Variants in RPRD2 observed in about 807,000 individuals in gnomAD.
RPRD2 encodes the protein regulation of nuclear pre-mRNA domain-containing protein 2.
A neutral mutation model predicts 104.4 loss-of-function variants in RPRD2; 12 were observed. That is an observed-to-expected ratio of 0.11 (90% CI 0.07 to 0.19). RPRD2 has a LOEUF of 0.19. Among genes scored for constraint, RPRD2 ranks in the 10% least tolerant of loss-of-function variants. RPRD2 has a pLI of 1.00. For missense variants in RPRD2, 1,543 were observed against 1,790.1 expected (o/e 0.86, Z 2.49); for synonymous variants, 714 against 684.9 (o/e 1.04, Z -0.66).
intron 2 of RPRD2, among the ~76,000 whole-genome samples, chr1:150,436,833 A>G (rs2102341373): frequency 6.7e-6 from 1 of 149,626 alleles, no homozygotes. Context: ...TGAACCCAGG[A>G]GGCAGAGGTC....
chr1:150,411,923 C>T (rs1253328076), intron 1 of RPRD2, among the ~76,000 whole-genome samples: 1 of 151,230 alleles, frequency 6.6e-6, no homozygotes, highest in South Asian at 2.1e-4. Context: ...GTCAGGAGTT[C>T]GAGACCAGCG....
intron 2 of RPRD2, among the ~76,000 whole-genome samples, chr1:150,434,994 A>G (rs781979513): frequency 2.6e-5 from 4 of 152,188 alleles, no homozygotes; most frequent in Non-Finnish European, 4.4e-5. Flanking sequence ...GAAGGTTTGT[A>G]GCAACCCTGT....
chr1:150,403,655 A>T (rs1275949813), intron 1 of RPRD2, among the ~76,000 whole-genome samples: 6 of 150,700 alleles, frequency 4.0e-5, no homozygotes, highest in African/African-American at 9.8e-5. Context: ...TTTACCCAAT[A>T]TTTTTTTTTG....
intron 9 of RPRD2, among the ~76,000 whole-genome samples, chr1:150,461,004 C>T (rs1667899281): frequency 6.6e-6 from 1 of 151,766 alleles, no homozygotes; most frequent in Admixed American, 6.6e-5. Context: ...GGATTACAGG[C>T]GTGAGCCAGC....
chr1:150,381,651 C>T (rs1234463593), intron 1 of RPRD2, among the ~76,000 whole-genome samples: 1 of 151,826 alleles, frequency 6.6e-6, no homozygotes, highest in East Asian at 1.9e-4. Context: ...ACTACAGGCG[C>T]CCACCACTGC....
rs587621195 is a variant in RPRD2, at chr1:150,462,151, A to T, written c.1411+1834A>T. On this transcript the variant is annotated intron_variant, in intron 9 of 10. Coordinates refer to ENST00000369068, the MANE Select transcript of RPRD2 (RefSeq NM_015203.5). ...ACAAAAATTAGCTGGGCATGGTGGC[A>T]TGCATCTGTAGTCCCAGCTACTTGG... 8.8e-4 allele frequency among the ~76,000 whole-genome samples: 133 copies of T among 151,588 alleles called. 1 individual carries two copies. Among genetic ancestry groups the T allele is most frequent in the African/African-American group, 3.1e-3 (130 of 41,302 alleles).
chr1:150,374,218 T>TA (rs1346440505), intron 1 of RPRD2, among the ~76,000 whole-genome samples: 1 of 152,150 alleles, frequency 6.6e-6, no homozygotes, highest in Non-Finnish European at 1.5e-5. Context: ...GAAACTTCCA[T>TA]AAAAATCCAA....
intron 1 of RPRD2, among the ~76,000 whole-genome samples, chr1:150,379,322 A>G (rs1279830975): frequency 6.6e-6 from 1 of 151,962 alleles, no homozygotes; most frequent in Non-Finnish European, 1.5e-5. Context: ...TAATTTATTG[A>G]TTGTAATGGA....
intron 2 of RPRD2, among the ~76,000 whole-genome samples, chr1:150,430,852 G>A (rs1014925414): frequency 6.6e-6 from 1 of 152,024 alleles, no homozygotes; most frequent in Admixed American, 6.6e-5. Context: ...CGCTTGAACC[G>A]AGAGGTGGAG....
chr1:150,414,965 G>T (rs1229756532), intron 1 of RPRD2, among the ~76,000 whole-genome samples: 2 of 152,174 alleles, frequency 1.3e-5, no homozygotes, highest in Non-Finnish European at 2.9e-5. Flanking sequence ...AAAACTTTAA[G>T]ATAGGAGAGA....
In RPRD2 at chr1:150,472,804, GGT is replaced by G; in HGVS notation, c.3859_3860del (p.Val1287ProfsTer13). On this transcript the variant is annotated frameshift_variant, in exon 11 of 11. Coordinates refer to ENST00000369068, the MANE Select transcript of RPRD2 (RefSeq NM_015203.5). LOFTEE classifies it high-confidence loss of function. ...PGEHSSSGGS[G>X]VPFSTPPPPP... is the part of the protein sequence containing the mutation. ...GGAACATAGCAGCAGTGGTGGGAGT[GGT>G]GTCCCCTTTTCTACTCCACCCCCTC... The G allele has an allele frequency of 6.2e-7, 1 of 1,611,136 alleles. No homozygotes were observed. The highest frequency in any genetic ancestry group is 1.1e-5 in the South Asian group (1 of 90,888).
intron 2 of RPRD2, among the ~76,000 whole-genome samples, chr1:150,432,978 A>G (rs587618044): frequency 6.6e-6 from 1 of 152,116 alleles, no homozygotes; most frequent in South Asian, 2.1e-4. Flanking sequence ...ACCCTGTCTC[A>G]AGGTGAGGGG....
intron 2 of RPRD2, among the ~76,000 whole-genome samples, chr1:150,425,726 G>A (rs59662772): frequency 0.048 from 7,280 of 152,016 alleles, 440 homozygotes; most frequent in African/African-American, 0.13. Context: ...ATAATTAGGG[G>A]CAAAGATTAT....
chr1:150,399,116 C>T (rs901079203), intron 1 of RPRD2, among the ~76,000 whole-genome samples: 1 of 151,962 alleles, frequency 6.6e-6, no homozygotes, highest in Non-Finnish European at 1.5e-5. Flanking sequence ...ATCCTCCCAC[C>T]CCATCCTTTG....
chr1:150,414,946 G>A (rs1225190155), intron 1 of RPRD2, among the ~76,000 whole-genome samples: 1 of 152,096 alleles, frequency 6.6e-6, no homozygotes, highest in East Asian at 1.9e-4. Flanking sequence ...AACCTAAGGT[G>A]GTCACAAGAA....
In RPRD2 at chr1:150,440,830, A is replaced by G. The variant is rs1666366023; in HGVS notation, c.336-93A>G. On this transcript the variant is annotated intron_variant, in intron 2 of 10. Coordinates refer to ENST00000369068, the MANE Select transcript of RPRD2 (RefSeq NM_015203.5). ...AAATAAACATCAGAAGAAATTTGGA[A>G]AATAATTTTATTGATAACTTTATTT... The G allele has an allele frequency of 1.7e-5, 12 of 694,080 alleles. 1 individual carries two copies. The East Asian group carries it at 3.5e-4, about 20-fold the overall frequency. 43.0% of individuals were successfully genotyped at this position (694,080 alleles called of 1,614,324 possible). A position where few individuals can be genotyped will look rare whatever the true frequency, so the allele number is the denominator to read the frequency against.
At chr1:150,387,623 C>T (rs1661686438) in intron 1 of RPRD2, among the ~76,000 whole-genome samples, 1 of 86,212 alleles carries the variant, frequency 1.2e-5, no homozygotes, top group Admixed American at 1.9e-4. Flanking sequence ...CGGAGTTTCA[C>T]TCTTGTCACC....
chr1:150,384,683 T>TGTGTGTGTTTG (rs1560155301), intron 1 of RPRD2, among the ~76,000 whole-genome samples: 4 of 118,056 alleles, frequency 3.4e-5, no homozygotes, highest in Admixed American at 1.8e-4. Flanking sequence ...GTGTGTGTGT[T>TGTGTGTGTTTG]TTTAGTAGAG....
intron 1 of RPRD2, among the ~76,000 whole-genome samples, chr1:150,410,805 C>T (rs9651184): frequency 0.22 from 33,761 of 152,042 alleles, 4,270 homozygotes; most frequent in African/African-American, 0.32. Flanking sequence ...ACAAAGAAAT[C>T]GATTTTCTCA....
Sources: allele counts gnomAD v4.1 joint callset (sites outside exome capture counted in the v4.1 genomes callset), GRCh38; gene constraint gnomAD v4.1.1; transcripts MANE v1.5; gene names NCBI Gene and HGNC (gene_info 2026-07-23, HGNC 2026-07-21).